The following HSPBAP1 variants were observed in gnomAD, a reference collection of about 807,000 sequenced individuals.
The protein encoded by HSPBAP1 is HSPB1-associated protein 1.
In HSPBAP1, 27 loss-of-function variants were observed where a neutral mutation model predicts 45.2. The observed-to-expected ratio is 0.60, with a 90% CI of 0.44 to 0.82. The LOEUF (loss-of-function observed/expected upper bound fraction) is 0.82, where lower values mean the gene tolerates loss of function less well. Among genes scored for constraint, HSPBAP1 ranks in the 40% least tolerant of loss-of-function variants. The probability of loss-of-function intolerance (pLI) is 0.00; values close to 1 mark genes in which losing one functional copy is unlikely to be tolerated. For synonymous variants in HSPBAP1, 204 were observed against 202.7 expected (o/e 1.01, Z -0.06); for missense variants, 510 against 590.9 (o/e 0.86, Z 1.42).
intron 1 of HSPBAP1, among the ~76,000 whole-genome samples, chr3:122,781,263 C>T (rs1430495312): frequency 1.3e-5 from 2 of 152,122 alleles, no homozygotes; most frequent in African/African-American, 2.4e-5. Flanking sequence ...AGCCTGGGCA[C>T]CATTGAGCAC....
intron 1 of HSPBAP1, among the ~76,000 whole-genome samples, chr3:122,790,417 C>T (rs1442350933): frequency 6.6e-6 from 1 of 152,170 alleles, no homozygotes; most frequent in African/African-American, 2.4e-5. Context: ...TCCTAGGAAG[C>T]ACAAACCAAC....
Position 122,749,880 on chromosome 3 carries a change from G to A in HSPBAP1, c.825+2711C>T, listed in dbSNP as rs561230858. On this transcript the variant is annotated intron_variant, in intron 6 of 7. Coordinates refer to ENST00000306103, the MANE Select transcript of HSPBAP1 (RefSeq NM_024610.6). Reference sequence around the variant, plus strand: ...CCGCCTCGGCCTCCCAAAGTGCCGGGATTATAGGTGTGAGCCACTGCACCC... The same window carrying A: ...CCGCCTCGGCCTCCCAAAGTGCCGGAATTATAGGTGTGAGCCACTGCACCC... Among the ~76,000 whole-genome samples, 4 of 152,006 alleles carry A rather than the reference G, an allele frequency of 2.6e-5. No individual in the cohort carries two copies. The South Asian group carries it at 8.3e-4, about 32-fold the overall frequency.
At chr3:122,783,181 C>G (rs1024604530) in intron 1 of HSPBAP1, among the ~76,000 whole-genome samples, 3 of 152,162 alleles carry the variant, frequency 2.0e-5, no homozygotes, top group African/African-American at 7.2e-5. Context: ...GGTAAAGAGC[C>G]TTGTAAAGGA....
At chr3:122,746,123 T>C (rs1933838986) in intron 6 of HSPBAP1, among the ~76,000 whole-genome samples, 1 of 152,056 alleles carries the variant, frequency 6.6e-6, no homozygotes. Flanking sequence ...GGAATAAACA[T>C]TTAAAAGAAA....
chr3:122,775,156 TA>T (rs1391870645), intron 2 of HSPBAP1, among the ~76,000 whole-genome samples: 1 of 152,110 alleles, frequency 6.6e-6, no homozygotes, highest in African/African-American at 2.4e-5. Context: ...AATATAACTT[TA>T]TTTTTAAAAT....
chr3:122,749,153 T>C lies in HSPBAP1; in HGVS notation c.825+3438A>G, dbSNP rs147888431. Among the ~76,000 whole-genome samples, 1,053 of 151,698 alleles carry C rather than the reference T, an allele frequency of 6.9e-3. 5 individuals are homozygous for C. The highest frequency in any genetic ancestry group is 0.022 in the African/African-American group (905 of 41,484). On this transcript the variant is annotated intron_variant, in intron 6 of 7. Transcript: ENST00000306103. ...ATATATCTATTCATTTACTTACTTT[T>C]ATATATAGATATAGATATATATGTT...
chr3:122,759,272 C>T lies in HSPBAP1; in HGVS notation c.521G>A (p.Cys174Tyr), dbSNP rs1180195073. The T allele has an allele frequency of 1.2e-6, 2 of 1,613,690 alleles. No homozygotes were observed. The highest frequency in any genetic ancestry group is 3.3e-5 in the Admixed American group (2 of 59,968). The part of the protein sequence containing the change: ...WIGSLGAHTP[C>Y]HLDSYGCNLV... ...GTTACAACCATAGGAGTCCAGATGA[C>T]AGGGTGTGTGGGCTCCCAAGGAGCC... Residue 174 changes from cysteine (C) to tyrosine (Y), a missense_variant, in exon 4 of 8, where the codon TGT becomes TAT. Coordinates refer to ENST00000306103, the MANE Select transcript of HSPBAP1 (RefSeq NM_024610.6).
At chr3:122,774,394 G>T (rs951274756) in intron 2 of HSPBAP1, among the ~76,000 whole-genome samples, 1 of 152,072 alleles carries the variant, frequency 6.6e-6, no homozygotes, top group African/African-American at 2.4e-5. Flanking sequence ...CTAGACACAG[G>T]GAACTACATA....
Position 122,740,635 on chromosome 3 carries a change from C to T in HSPBAP1, c.1177G>A (p.Val393Ile). 1 of 1,614,110 alleles carries T rather than the reference C, an allele frequency of 6.2e-7. No individual in the cohort carries two copies. Among genetic ancestry groups the T allele is most frequent in the Non-Finnish European group, 8.5e-7 (1 of 1,180,042 alleles). ...TCTTCGGACCTCTGTGCTACAGGGA[C>T]CAGATCAGGGCCAAAGGGACTTGCT... is the stretch of plus-strand genomic sequence containing the variant. Reference protein sequence around the residue: ...EAASPFGPDLVPVAQRSEEPP... With the variant: ...EAASPFGPDLIPVAQRSEEPP... Residue 393 changes from valine (V) to isoleucine (I), a missense_variant, in exon 8 of 8, where the codon GTC (valine) becomes ATC (isoleucine). Val to Ile is a conservative substitution (Grantham distance 29). Transcript: ENST00000306103.
rs776473435 is a variant in HSPBAP1, at chr3:122,777,712, T to G, written c.250+9A>C. The G allele has an allele frequency of 2.6e-5, 42 of 1,602,740 alleles. No homozygotes were observed. Among genetic ancestry groups the G allele is most frequent in the Non-Finnish European group, 3.0e-5 (35 of 1,170,952 alleles). ...GAGACATTATGATGGTGATTACCTA[T>G]AGTCATACCTGTGCTCATGCTTTTC... On this transcript the variant is annotated intron_variant, in intron 2 of 7. Coordinates refer to ENST00000306103, the MANE Select transcript of HSPBAP1 (RefSeq NM_024610.6).
In HSPBAP1 at chr3:122,768,785, T is replaced by C; in HGVS notation, c.348A>G (p.Arg116=). 1 of 1,611,868 alleles carries C rather than the reference T, an allele frequency of 6.2e-7. No individual in the cohort carries two copies. Among genetic ancestry groups the C allele is most frequent in the Non-Finnish European group, 8.5e-7 (1 of 1,177,962 alleles). Residue 116 remains arginine (R), a synonymous_variant, in exon 3 of 8, where the codon AGA becomes AGG. Coordinates refer to ENST00000306103, the MANE Select transcript of HSPBAP1 (RefSeq NM_024610.6). The part of the protein sequence containing the change: ...CDQSSISGPF[R]DYDHSKFWAY... Reference sequence around the variant, plus strand: ...CCCAGAACTTGGAATGGTCATAATCTCTAAATGGTCCAGAAATACTAGACT... The same window carrying C: ...CCCAGAACTTGGAATGGTCATAATCCCTAAATGGTCCAGAAATACTAGACT...
chr3:122,759,650 C>A (rs1934496559), intron 3 of HSPBAP1, among the ~76,000 whole-genome samples: 2 of 152,140 alleles, frequency 1.3e-5, no homozygotes, highest in Admixed American at 1.3e-4. Context: ...ACAAAAGAGA[C>A]AAAATGCCTA....
At chr3:122,791,022 A>C (rs1367682709) in intron 1 of HSPBAP1, among the ~76,000 whole-genome samples, 1 of 152,234 alleles carries the variant, frequency 6.6e-6, no homozygotes, top group Non-Finnish European at 1.5e-5. Flanking sequence ...ATTAATAATA[A>C]AAATGGTCAC....
intron 5 of HSPBAP1, chr3:122,753,703 T>C (rs1466208652): frequency 2.1e-5 from 21 of 984,824 alleles, no homozygotes; most frequent in Non-Finnish European, 2.2e-5. Context: ...GACTGGGAAA[T>C]AGAAAGAGAG....
chr3:122,752,508 A>G (rs1288618750), intron 6 of HSPBAP1, 83 bp downstream of exon 6: 1 of 771,984 alleles, frequency 1.3e-6, no homozygotes, highest in East Asian at 2.8e-5. Flanking sequence ...TTAATTACCC[A>G]GTTGTACAGC....
At chr3:122,780,656 A>AC (rs1311794593) in intron 1 of HSPBAP1, among the ~76,000 whole-genome samples, 4,578 of 127,848 alleles carry the variant, frequency 0.036, 101 homozygotes, top group Middle Eastern at 0.084. Flanking sequence ...CGGGGGGCTG[A>AC]CCCCCCCACC....
intron 1 of HSPBAP1, among the ~76,000 whole-genome samples, chr3:122,781,567 C>T (rs1046327344): frequency 3.9e-5 from 6 of 152,106 alleles, no homozygotes; most frequent in East Asian, 1.9e-4. Flanking sequence ...CGTGGGGAGA[C>T]GGAGAGAGAG....
intron 2 of HSPBAP1, among the ~76,000 whole-genome samples, chr3:122,772,263 C>G (rs1446473002): frequency 6.6e-6 from 1 of 151,984 alleles, no homozygotes; most frequent in Admixed American, 6.6e-5. Context: ...CATTTGAAAT[C>G]CCAACAGGAT....
rs1177851809 is a variant in HSPBAP1 at position 122,740,416 on chromosome 3, G to GC, written c.1395dup (p.Leu466AlafsTer32). The stretch of plus-strand genomic sequence containing the variant: ...ACTTGTGGATTCACCAAGCAGTCCA[G>GC]CAAGTCATCCGTAGAAATGAATGTT... On this transcript the variant is annotated frameshift_variant, in exon 8 of 8. Transcript: ENST00000306103. LOFTEE classifies it high-confidence loss of function. 1.2e-6 allele frequency: 2 copies of GC among 1,613,574 alleles called. No individual in the cohort carries two copies. Among genetic ancestry groups the GC allele is most frequent in the Non-Finnish European group, 1.7e-6 (2 of 1,179,770 alleles).
Sources: gnomAD v4.1 joint callset for allele counts (sites outside exome capture counted in the v4.1 genomes callset) on GRCh38, gnomAD v4.1.1 for gene constraint, MANE v1.5 for transcripts, NCBI Gene and HGNC (gene_info 2026-07-23, HGNC 2026-07-21) for gene names.